The following SYCP1 variants were observed in gnomAD, a reference collection of about 807,000 sequenced individuals.
The protein encoded by SYCP1 is cancer/testis antigen 8.
SYCP1 carries 64 observed loss-of-function variants against 153.1 expected under a neutral mutation model. That is an observed-to-expected ratio of 0.42 (90% CI 0.34 to 0.51). The LOEUF (loss-of-function observed/expected upper bound fraction) is 0.51, where lower values mean the gene tolerates loss of function less well. Among genes scored for constraint, SYCP1 ranks in the 20% least tolerant of loss-of-function variants. SYCP1 has a pLI of 0.06. For synonymous variants in SYCP1, 384 were observed against 341.8 expected (o/e 1.12, Z -1.36); for missense variants, 997 against 1,049.0 (o/e 0.95, Z 0.68).
chr1:114,906,576 A>T (rs774676728), intron 16 of SYCP1, among the ~76,000 whole-genome samples: 4 of 152,110 alleles, frequency 2.6e-5, no homozygotes, highest in Non-Finnish European at 4.4e-5. Flanking sequence ...TTTAGTTTAA[A>T]ATAGTTTTAA....
intron 12 of SYCP1, among the ~76,000 whole-genome samples, chr1:114,883,860 T>C (rs1243143940): frequency 6.6e-6 from 1 of 152,056 alleles, no homozygotes; most frequent in African/African-American, 2.4e-5. Flanking sequence ...GCCCACCTAA[T>C]TTTTGTATTT....
In SYCP1 at chr1:114,855,519, C is replaced by T; in HGVS notation, c.55C>T (p.Gln19Ter). 6.2e-7 allele frequency: 1 copy of T among 1,612,978 alleles called. No homozygotes were observed. The highest frequency in any genetic ancestry group is 8.5e-7 in the Non-Finnish European group (1 of 1,179,416). The stretch of plus-strand genomic sequence containing the variant: ...CGTACCACCGAGATCAAGCAGCAGT[C>T]AGGTGTCTGCGGTGAAACCTCAGAC... Reference protein sequence around the residue: ...LFVPPRSSSSQVSAVKPQTLG... With the variant: ...LFVPPRSSSS Residue 19 changes from glutamine to a stop codon, truncating the protein, a stop_gained, in exon 2 of 32, where the codon CAG becomes TAG. Transcript: ENST00000369522. LOFTEE classifies it high-confidence loss of function.
rs539668941 is a variant in SYCP1 at position 114,991,812 on chromosome 1, T to C, written c.2704-2886T>C. ...CTGTAAATTCTAACTAGAGATACTA[T>C]AAAAGAAAAATAATAGAAGGCATTC... On this transcript the variant is annotated intron_variant, in intron 30 of 31. Coordinates refer to ENST00000369522, the MANE Select transcript of SYCP1 (RefSeq NM_003176.4). Among the ~76,000 whole-genome samples, 20 of 151,752 alleles carry C rather than the reference T, an allele frequency of 1.3e-4. No homozygotes were observed. The South Asian group carries it at 3.7e-3, about 28-fold the overall frequency.
chr1:114,949,362 G>T (rs1670946949), intron 27 of SYCP1, among the ~76,000 whole-genome samples: 1 of 152,200 alleles, frequency 6.6e-6, no homozygotes, highest in Non-Finnish European at 1.5e-5. Flanking sequence ...GGGAATGCCA[G>T]AGCCTCACTA....
chr1:114,911,078 T>TATAATAATAAGA lies in SYCP1; in HGVS notation c.1426-400_1426-399insTAATAATAAGAA, dbSNP rs1557792478. Among the ~76,000 whole-genome samples the TATAATAATAAGA allele has an allele frequency of 4.0e-4, 60 of 150,070 alleles. 1 individual carries two copies. Among genetic ancestry groups the TATAATAATAAGA allele is most frequent in the South Asian group, 3.2e-3 (15 of 4,706 alleles). ...ATGACAGTATTACATCTTGTCTTTT[T>TATAATAATAAGA]ACAATAATAAGAACATTATAGTTCT... On this transcript the variant is annotated intron_variant, in intron 17 of 31. Coordinates refer to ENST00000369522, the MANE Select transcript of SYCP1 (RefSeq NM_003176.4).
At chr1:114,935,335 A>G (rs1447921218) in intron 23 of SYCP1, among the ~76,000 whole-genome samples, 1 of 110,850 alleles carries the variant, frequency 9.0e-6, no homozygotes, top group Non-Finnish European at 2.3e-5. Flanking sequence ...GAAGGCAGAA[A>G]TAAATATGTT....
At chr1:114,893,921 A>G (rs188420874) in intron 15 of SYCP1, among the ~76,000 whole-genome samples, 1 of 149,936 alleles carries the variant, frequency 6.7e-6, no homozygotes, top group African/African-American at 2.4e-5. Context: ...AGGTATGGTC[A>G]CTTGGTCTTG....
chr1:114,990,845 G>A (rs1263127040), intron 30 of SYCP1, among the ~76,000 whole-genome samples: 1 of 151,832 alleles, frequency 6.6e-6, no homozygotes, highest in Non-Finnish European at 1.5e-5. Context: ...TGGACCAGTT[G>A]GCTTCATTGA....
chr1:114,945,044 T>G (rs1670619465), intron 25 of SYCP1, 62 bp downstream of exon 25: 1 of 1,181,584 alleles, frequency 8.5e-7, no homozygotes, highest in Non-Finnish European at 1.2e-6. Context: ...TGTTAAATAA[T>G]GGTGAAATCA....
At chr1:114,937,954 G>A (rs1341927691) in intron 23 of SYCP1, among the ~76,000 whole-genome samples, 1 of 152,198 alleles carries the variant, frequency 6.6e-6, no homozygotes, top group Non-Finnish European at 1.5e-5. Flanking sequence ...TGGTGGGACT[G>A]TAAAGTAGTT....
intron 16 of SYCP1, 84 bp downstream of exon 16, chr1:114,895,593 T>C (rs1348715573): frequency 1.5e-6 from 1 of 662,140 alleles, no homozygotes; most frequent in Non-Finnish European, 2.3e-6. Flanking sequence ...TCTCACACTA[T>C]AGATGTTTTA....
intron 8 of SYCP1, among the ~76,000 whole-genome samples, chr1:114,873,394 T>C (rs926759532): frequency 4.6e-5 from 7 of 152,166 alleles, no homozygotes; most frequent in Non-Finnish European, 1.0e-4. Flanking sequence ...CCTCTCCTCC[T>C]TAGATGGGAC....
At chr1:114,908,093 T>C (rs1557789684) in intron 16 of SYCP1, among the ~76,000 whole-genome samples, 2 of 152,166 alleles carry the variant, frequency 1.3e-5, no homozygotes, top group African/African-American at 4.8e-5. Flanking sequence ...CTTCCTTTAG[T>C]ATTTCTTGTA....
At chr1:114,928,651 T>A (rs1468906821) in intron 23 of SYCP1, among the ~76,000 whole-genome samples, 1 of 152,218 alleles carries the variant, frequency 6.6e-6, no homozygotes, top group Non-Finnish European at 1.5e-5. Flanking sequence ...GAAAACAAAT[T>A]GCTATTATAG....
chr1:114,919,317 T>C (rs1668707869), intron 20 of SYCP1, among the ~76,000 whole-genome samples: 2 of 152,138 alleles, frequency 1.3e-5, no homozygotes, highest in South Asian at 4.1e-4. Flanking sequence ...GATTTATTTG[T>C]ATATGTTGAT....
At chr1:114,978,288 A>G (rs1012660336) in intron 28 of SYCP1, among the ~76,000 whole-genome samples, 5 of 151,586 alleles carry the variant, frequency 3.3e-5, no homozygotes, top group Non-Finnish European at 7.4e-5. Context: ...CTTAGGGTAT[A>G]AAGGAGAAGA....
intron 20 of SYCP1, among the ~76,000 whole-genome samples, chr1:114,919,200 G>C (rs1668699412): frequency 6.6e-6 from 1 of 151,730 alleles, no homozygotes; most frequent in African/African-American, 2.4e-5. Context: ...GTTTTTTGAG[G>C]GTTTTTATCA....
At position 114,936,283 on chromosome 1, in the gene SYCP1, C is replaced by A. The variant is rs1670005114; in HGVS notation, c.1927-8056C>A. On this transcript the variant is annotated intron_variant, in intron 23 of 31. Coordinates refer to ENST00000369522, the MANE Select transcript of SYCP1 (RefSeq NM_003176.4). ...CAATAAACGTAATCCATCACATAAACAGAACCAAAGACAAAAATCGCATGA... is the reference window on the plus strand; with the variant it reads ...CAATAAACGTAATCCATCACATAAAAAGAACCAAAGACAAAAATCGCATGA... Among the ~76,000 whole-genome samples, 3 of 152,292 alleles carry A rather than the reference C, an allele frequency of 2.0e-5. No individual in the cohort carries two copies. In the South Asian group the frequency reaches 6.2e-4, roughly 32 times the overall value.
intron 29 of SYCP1, among the ~76,000 whole-genome samples, chr1:114,984,150 C>T (rs969759346): frequency 6.6e-6 from 1 of 152,018 alleles, no homozygotes; most frequent in African/African-American, 2.4e-5. Context: ...AGCAATCCTC[C>T]TGCCTTGGTC....
Sources: gnomAD v4.1 joint callset for allele counts (sites outside exome capture counted in the v4.1 genomes callset) on GRCh38, gnomAD v4.1.1 for gene constraint, MANE v1.5 for transcripts, NCBI Gene and HGNC (gene_info 2026-07-23, HGNC 2026-07-21) for gene names.